Variants in LRRC19 observed in about 807,000 individuals in gnomAD.
LRRC19 encodes leucine-rich repeat-containing protein 19.
A neutral mutation model predicts 33.3 loss-of-function variants in LRRC19; 33 were observed. The observed-to-expected ratio is 0.99, with a 90% CI of 0.75 to 1.33. The LOEUF (loss-of-function observed/expected upper bound fraction) is 1.33. Ranked by LOEUF, LRRC19 falls within the 40% of genes most tolerant of loss-of-function variation. The probability of loss-of-function intolerance (pLI) is 0.00; values close to 1 mark genes in which losing one functional copy is unlikely to be tolerated. For missense variants in LRRC19, 463 were observed against 417.3 expected (o/e 1.11, Z -0.95); for synonymous variants, 184 against 152.3 (o/e 1.21, Z -1.53).
chr9:26,996,073 A>G (rs1384408154), intron 4 of LRRC19, among the ~76,000 whole-genome samples: 1 of 152,190 alleles, frequency 6.6e-6, no homozygotes, highest in Non-Finnish European at 1.5e-5. Flanking sequence ...TATACTCGTT[A>G]AGATTTGTGA....
chr9:27,005,349 A>G (rs1587335321), intron 1 of LRRC19, among the ~76,000 whole-genome samples: 1 of 28,744 alleles, frequency 3.5e-5, no homozygotes, highest in African/African-American at 1.3e-4. Context: ...AGATGAAACC[A>G]TTTCCCCCCC....
intron 3 of LRRC19, among the ~76,000 whole-genome samples, chr9:26,997,267 C>A (rs1828207659): frequency 6.7e-6 from 1 of 149,948 alleles, no homozygotes; most frequent in Non-Finnish European, 1.5e-5. Flanking sequence ...AGGAGAGCAT[C>A]TATGCAGCTG....
rs774602302 is a variant in LRRC19 at position 26,996,389 on chromosome 9, C to T, written c.706G>A (p.Glu236Lys). The T allele has an allele frequency of 1.9e-6, 3 of 1,610,544 alleles. No homozygotes were observed. Among genetic ancestry groups the T allele is most frequent in the African/African-American group, 1.3e-5 (1 of 74,852 alleles). Residue 236 changes from glutamate to lysine, a missense_variant, in exon 4 of 5, where the codon GAA (glutamate) becomes AAA (lysine). By Grantham distance (56) the Glu-to-Lys change is moderately conservative (BLOSUM62 1). Transcript: ENST00000380055. The part of the protein sequence containing the change: ...CHSKFPSSVT[E>K]DLYIHFQPIS... Reference sequence around the variant, plus strand: ...GGCTGAAAATGAATATAAAGATCTTCAGTTACTGATGAAGGAAATTTTGAG... The same window carrying T: ...GGCTGAAAATGAATATAAAGATCTTTAGTTACTGATGAAGGAAATTTTGAG...
intron 1 of LRRC19, among the ~76,000 whole-genome samples, chr9:27,004,905 T>A (rs1391589136): frequency 6.6e-6 from 1 of 152,178 alleles, no homozygotes; most frequent in Non-Finnish European, 1.5e-5. Flanking sequence ...AAAAGAAGCA[T>A]TGTTCTTAAT....
rs1828093227 is a variant in LRRC19, at chr9:26,995,446, G to A, written c.*75C>T. The A allele has an allele frequency of 7.3e-6, 6 of 818,428 alleles. 1 individual carries two copies. In the South Asian group the frequency reaches 1.1e-4, roughly 15 times the overall value. 50.7% of individuals were successfully genotyped at this position (818,428 alleles called of 1,614,324 possible). On this transcript the variant is annotated 3_prime_UTR_variant, in exon 5 of 5. Transcript: ENST00000380055. ...ATGCCTGCCAGCTGTATTTTGTTAT[G>A]TCACATAGCAAAATCTCCATATCTA...
rs1335228236 is a variant in LRRC19 at position 26,995,259 on chromosome 9, C to T, written c.*262G>A. ...AATAATTTAGACCTTTTTACTAGTT[C>T]GTATGGTCACCCAAGCACTGCTAAG... On this transcript the variant is annotated 3_prime_UTR_variant, in exon 5 of 5. Coordinates refer to ENST00000380055, the MANE Select transcript of LRRC19 (RefSeq NM_022901.3). 7 of 259,772 alleles carry T rather than the reference C, an allele frequency of 2.7e-5. No individual in the cohort carries two copies. The East Asian group carries it at 2.9e-4, about 11-fold the overall frequency. The allele number at this position is 259,772 out of a possible 1,614,324, so 16.1% of individuals were successfully genotyped here.
chr9:27,002,787 C>T (rs1391608673), intron 1 of LRRC19, among the ~76,000 whole-genome samples: 1 of 152,022 alleles, frequency 6.6e-6, no homozygotes, highest in Non-Finnish European at 1.5e-5. Flanking sequence ...TTTTATGGTT[C>T]CATATGAATT....
At chr9:26,999,119 G>GC (rs1828334788) in intron 2 of LRRC19, among the ~76,000 whole-genome samples, 2 of 152,136 alleles carry the variant, frequency 1.3e-5, no homozygotes, top group South Asian at 4.1e-4. Context: ...CAGAAATGGA[G>GC]CCAGGTATTG....
intron 1 of LRRC19, among the ~76,000 whole-genome samples, chr9:27,003,145 G>A (rs1184391230): frequency 6.6e-6 from 1 of 151,462 alleles, no homozygotes. Flanking sequence ...TTTATATCTT[G>A]CAACTTTACT....
chr9:26,999,556 A>AAT (rs1267690578), intron 2 of LRRC19, 58 bp downstream of exon 2: 23 of 1,298,812 alleles, frequency 1.8e-5, no homozygotes, highest in Non-Finnish European at 2.5e-5. Context: ...TATTTTACTA[A>AAT]ATATACAGAA....
chr9:26,997,793 A>G lies in LRRC19; in HGVS notation c.530T>C (p.Leu177Pro), dbSNP rs775353795. 2.1e-5 allele frequency: 34 copies of G among 1,613,986 alleles called. No homozygotes were observed. The South Asian group carries it at 3.3e-4, about 16-fold the overall frequency. ...AAATAGACTGCAAGAGCAGTTCCAT[A>G]GGTTTCCATATAAAGTTATTAATTC... The part of the protein sequence containing the change: ...HLELITLYGN[L>P]WNCSCSLFNL... Residue 177 changes from leucine to proline, a missense_variant, in exon 3 of 5, where the codon CTA becomes CCA. Transcript: ENST00000380055.
rs576125503 is a variant in LRRC19, at chr9:26,993,799, C to G, written c.*1722G>C. 1.4e-4 allele frequency: 21 copies of G among 152,178 alleles called. No individual in the cohort carries two copies. Among genetic ancestry groups the G allele is most frequent in the Non-Finnish European group, 2.6e-4 (18 of 68,036 alleles). 9.4% of individuals were successfully genotyped at this position (152,178 alleles called of 1,614,324 possible). On this transcript the variant is annotated 3_prime_UTR_variant, in exon 5 of 5. Transcript: ENST00000380055. Reference sequence around the variant, plus strand: ...CATATTTGACCTTGCTCCATCCATACCTCTAGCCACTGTTCCATTCCACGT... The same window carrying G: ...CATATTTGACCTTGCTCCATCCATAGCTCTAGCCACTGTTCCATTCCACGT...
At chr9:26,999,064 A>G (rs952898397) in intron 2 of LRRC19, among the ~76,000 whole-genome samples, 2 of 152,204 alleles carry the variant, frequency 1.3e-5, no homozygotes, top group African/African-American at 4.8e-5. Context: ...TCTGGGTTTA[A>G]CAGCTCAAAG....
rs184325326 is a variant in LRRC19 at position 26,995,310 on chromosome 9, A to G, written c.*211T>C. 31 of 468,142 alleles carry G rather than the reference A, an allele frequency of 6.6e-5. No homozygotes were observed. The highest frequency in any genetic ancestry group is 6.5e-4 in the East Asian group (17 of 26,316). 29.0% of individuals were successfully genotyped at this position (468,142 alleles called of 1,614,324 possible). On this transcript the variant is annotated 3_prime_UTR_variant, in exon 5 of 5. Coordinates refer to ENST00000380055, the MANE Select transcript of LRRC19 (RefSeq NM_022901.3). ...AATAGTAGTGCTAGTATTGTAGACT[A>G]TGTAACTGTCAACTACCGAGGAGTG...
chr9:26,999,767 ATTCTTT>A, intron 1 of LRRC19, 64 bp from the exon 2 acceptor site: 2 of 457,786 alleles, frequency 4.4e-6, no homozygotes, highest in Non-Finnish European at 6.7e-6. Flanking sequence ...GAATCTGTTT[ATTCTTT>A]TTTTTTTTTT....
In LRRC19 at chr9:26,995,676, A is replaced by C. The variant is rs771992857; in HGVS notation, c.958T>G (p.Phe320Val). 5.0e-5 allele frequency: 81 copies of C among 1,613,768 alleles called. No homozygotes were observed. The highest frequency in any genetic ancestry group is 1.6e-4 in the Middle Eastern group (1 of 6,080). The part of the protein sequence containing the change: ...EHEAETYEDG[F>V]TGNPSSLSQI... ...GAAAGAGAGCTTGGATTTCCAGTAA[A>C]ACCATCTTCATAGGTTTCTGCTTCA... The change falls in exon 5 of 5, where the codon TTT (phenylalanine) becomes GTT (valine). Residue 320 changes from phenylalanine (F) to valine (V), a missense_variant. Coordinates refer to ENST00000380055, the MANE Select transcript of LRRC19 (RefSeq NM_022901.3).
intron 1 of LRRC19, among the ~76,000 whole-genome samples, chr9:27,005,252 G>A (rs1828706116): frequency 6.9e-6 from 1 of 144,966 alleles, no homozygotes; most frequent in South Asian, 2.2e-4. Flanking sequence ...TTTTTATCTT[G>A]CCAATTGGCT....
At chr9:26,996,976 C>T (rs956988368) in intron 3 of LRRC19, among the ~76,000 whole-genome samples, 9 of 152,082 alleles carry the variant, frequency 5.9e-5, no homozygotes, top group African/African-American at 1.9e-4. Flanking sequence ...TTTGGGAGGC[C>T]GAGGCGGGTG....
At chr9:27,004,461 A>C (rs1273300579) in intron 1 of LRRC19, among the ~76,000 whole-genome samples, 1 of 152,204 alleles carries the variant, frequency 6.6e-6, no homozygotes, top group African/African-American at 2.4e-5. Context: ...GCCTTTTCAG[A>C]GGAGAAAGAT....
Sources: gnomAD v4.1 joint callset for allele counts (sites outside exome capture counted in the v4.1 genomes callset) on GRCh38, gnomAD v4.1.1 for gene constraint, MANE v1.5 for transcripts, NCBI Gene and HGNC (gene_info 2026-07-23, HGNC 2026-07-21) for gene names.